The following CFAP20DC variants were observed in gnomAD, a reference collection of about 807,000 sequenced individuals.
CFAP20DC encodes protein CFAP20DC.
CFAP20DC carries 84 observed loss-of-function variants against 101.7 expected under a neutral mutation model. The ratio of observed to expected loss-of-function variants is 0.83; its 90% CI spans 0.69 to 0.99. CFAP20DC has a LOEUF of 0.99. CFAP20DC is among the 50% of genes least tolerant of loss of function. CFAP20DC has a pLI of 0.00. For missense variants in CFAP20DC, 1,007 were observed against 970.3 expected (o/e 1.04, Z -0.50); for synonymous variants, 359 against 351.2 (o/e 1.02, Z -0.25).
intron 5 of CFAP20DC, among the ~76,000 whole-genome samples, chr3:58,926,433 C>T (rs529046475): frequency 4.2e-4 from 64 of 151,536 alleles, no homozygotes; most frequent in African/African-American, 1.4e-3. Context: ...GAGATGAAAA[C>T]ATTAAAAAAC....
intron 14 of CFAP20DC, among the ~76,000 whole-genome samples, chr3:58,810,028 C>A (rs1297715509): frequency 1.3e-5 from 2 of 152,088 alleles, no homozygotes; most frequent in East Asian, 3.9e-4. Flanking sequence ...CTGAATAGAC[C>A]AATAACAGGC....
chr3:58,817,803 C>T (rs1273307359), intron 14 of CFAP20DC, among the ~76,000 whole-genome samples: 1 of 152,092 alleles, frequency 6.6e-6, no homozygotes, highest in Non-Finnish European at 1.5e-5. Flanking sequence ...CACAAAGATA[C>T]TCCTCAAGAA....
At chr3:58,850,057 T>A (rs886407745) in intron 12 of CFAP20DC, among the ~76,000 whole-genome samples, 1 of 152,276 alleles carries the variant, frequency 6.6e-6, no homozygotes, top group South Asian at 2.1e-4. Context: ...GCTACAATAA[T>A]TTTACAAGTC....
chr3:58,784,394 G>A (rs1330501842), intron 15 of CFAP20DC, among the ~76,000 whole-genome samples: 1 of 151,978 alleles, frequency 6.6e-6, no homozygotes, highest in Non-Finnish European at 1.5e-5. Context: ...AGGGAGGCAA[G>A]GGTTAAAAAA....
chr3:58,967,179 T>C (rs2091617050), intron 4 of CFAP20DC, among the ~76,000 whole-genome samples: 1 of 152,088 alleles, frequency 6.6e-6, no homozygotes, highest in Admixed American at 6.6e-5. Flanking sequence ...TGGAAAAAAA[T>C]TGAAAGTTTA....
intron 13 of CFAP20DC, among the ~76,000 whole-genome samples, chr3:58,842,214 C>G (rs953113605): frequency 2.0e-5 from 3 of 152,164 alleles, no homozygotes; most frequent in African/African-American, 7.2e-5. Context: ...GCGTGAGCGA[C>G]GCAGAAGACG....
chr3:58,985,297 G>C (rs1042800547), intron 4 of CFAP20DC, among the ~76,000 whole-genome samples: 53 of 152,014 alleles, frequency 3.5e-4, no homozygotes, highest in African/African-American at 1.2e-3. Flanking sequence ...TTCTCTGAGA[G>C]TCCCCATTTC....
chr3:58,904,183 TTTCTTC>T (rs1213819250), intron 6 of CFAP20DC, among the ~76,000 whole-genome samples: 2 of 152,186 alleles, frequency 1.3e-5, no homozygotes, highest in Non-Finnish European at 2.9e-5. Context: ...TTCAGTGTAC[TTTCTTC>T]TTCTTCATTA....
intron 4 of CFAP20DC, among the ~76,000 whole-genome samples, chr3:58,973,486 C>T (rs2092075254): frequency 6.6e-6 from 1 of 152,168 alleles, no homozygotes; most frequent in South Asian, 2.1e-4. Context: ...CTCCTCTAGT[C>T]AATACCCTCA....
intron 4 of CFAP20DC, among the ~76,000 whole-genome samples, chr3:58,941,306 C>T (rs574453302): frequency 4.0e-4 from 46 of 115,442 alleles, no homozygotes; most frequent in Middle Eastern, 0.019. Flanking sequence ...TCCAGCCTGG[C>T]GACAGAGCGA....
intron 5 of CFAP20DC, among the ~76,000 whole-genome samples, chr3:58,915,954 T>A (rs765719230): frequency 7.2e-5 from 11 of 152,068 alleles, no homozygotes; most frequent in Admixed American, 1.3e-4. Context: ...CCCTACTTCA[T>A]CCTCCCTGGA....
In CFAP20DC at chr3:58,864,262, T is replaced by C. The variant is rs2079494214; in HGVS notation, c.1259-370A>G. 6.6e-6 allele frequency among the ~76,000 whole-genome samples: 1 copy of C among 152,294 alleles called. No individual in the cohort carries two copies. Among genetic ancestry groups the C allele is most frequent in the Middle Eastern group, 3.4e-3 (1 of 294 alleles). ...ATGAGCCACCGCGCCTGGCCAAAAG[T>C]GTTATTTTAGGCAGGTAGTTAGGCT... On this transcript the variant is annotated intron_variant, in intron 11 of 16. Coordinates refer to ENST00000482387, the MANE Select transcript of CFAP20DC (RefSeq NM_001394063.1). The surrounding 1 kb of genome is among the most constrained non-coding windows in gnomAD (Gnocchi z 4.7).
chr3:58,782,529 A>T (rs2107579907), intron 15 of CFAP20DC, among the ~76,000 whole-genome samples: 1 of 152,246 alleles, frequency 6.6e-6, no homozygotes, highest in Admixed American at 6.5e-5. Context: ...AACTCTAGAA[A>T]AACCTAAAGA....
intron 6 of CFAP20DC, among the ~76,000 whole-genome samples, chr3:58,903,680 C>G (rs2083351064): frequency 6.6e-6 from 1 of 152,124 alleles, no homozygotes; most frequent in African/African-American, 2.4e-5. Flanking sequence ...CTCATGAGAG[C>G]TTACTATCAC....
intron 4 of CFAP20DC, among the ~76,000 whole-genome samples, chr3:58,962,335 T>C (rs988093330): frequency 1.3e-5 from 2 of 152,220 alleles, no homozygotes; most frequent in Non-Finnish European, 2.9e-5. Flanking sequence ...CAATTTTTTA[T>C]CTCATGTTTA....
intron 4 of CFAP20DC, among the ~76,000 whole-genome samples, chr3:59,012,204 G>C (rs988761293): frequency 9.2e-5 from 14 of 152,126 alleles, no homozygotes; most frequent in Non-Finnish European, 1.8e-4. Flanking sequence ...GTCACGGAAC[G>C]CCTTAAAGAT....
At chr3:58,890,131 G>A (rs1396745616) in intron 6 of CFAP20DC, among the ~76,000 whole-genome samples, 1 of 150,908 alleles carries the variant, frequency 6.6e-6, no homozygotes, top group Non-Finnish European at 1.5e-5. Flanking sequence ...AGGGGCGGCC[G>A]GGCAGAGGCG....
chr3:58,796,560 A>T (rs2073258509), intron 15 of CFAP20DC, among the ~76,000 whole-genome samples: 1 of 152,154 alleles, frequency 6.6e-6, no homozygotes, highest in South Asian at 2.1e-4. Flanking sequence ...CAGTTGACTA[A>T]GGACCTCTCC....
chr3:58,978,957 T>C (rs1018739257), intron 4 of CFAP20DC, among the ~76,000 whole-genome samples: 1 of 152,176 alleles, frequency 6.6e-6, no homozygotes, highest in Non-Finnish European at 1.5e-5. Context: ...ATTCTTGCTA[T>C]ATTCTTCAAG....
Sources: gnomAD v4.1 joint callset for allele counts (sites outside exome capture counted in the v4.1 genomes callset) on GRCh38, gnomAD v4.1.1 for gene constraint, Gnocchi (gnomAD v3.1) non-coding constraint, MANE v1.5 for transcripts, NCBI Gene and HGNC (gene_info 2026-07-23, HGNC 2026-07-21) for gene names.